PDE3A: variants seen among roughly 807,000 people sequenced by gnomAD.
PDE3A encodes the protein phosphodiesterase 3A.
A neutral mutation model predicts 98.3 loss-of-function variants in PDE3A; 43 were observed. That is an observed-to-expected ratio of 0.44 (90% confidence interval 0.34 to 0.56). The LOEUF (loss-of-function observed/expected upper bound fraction) is 0.56. Among genes scored for constraint, PDE3A ranks in the 20% least tolerant of loss-of-function variants. PDE3A has a pLI of 0.01. For synonymous variants in PDE3A, 663 were observed against 567.9 expected (o/e 1.17, Z -2.38); for missense variants, 1,427 against 1,440.7 (o/e 0.99, Z 0.15).
rs770268912 is a variant in PDE3A at position 20,369,853 on chromosome 12, C to A, written c.569C>A (p.Ala190Asp). The A allele has an allele frequency of 6.2e-7, 1 of 1,612,220 alleles. No individual in the cohort carries two copies. The change falls in exon 1 of 16, where the codon GCC becomes GAC. Residue 190 changes from alanine (A) to aspartate (D), a missense_variant. Around this residue, in one of 3 missense-constraint regions of PDE3A, gnomAD observed 1,012 missense variants for 886.5 expected, o/e 1.14. Transcript: ENST00000359062. ...GAGGATCACTTACTCTCACTCCCCGCCGCGGGGGTGGTGCTCAGCTGCTTG... is the reference window on the plus strand; with the variant it reads ...GAGGATCACTTACTCTCACTCCCCGACGCGGGGGTGGTGCTCAGCTGCTTG... ...VGEDHLLSLPAAGVVLSCLAA... is the reference protein window; with the variant it reads ...VGEDHLLSLPDAGVVLSCLAA...
At chr12:20,649,492 C>T (rs1243366838) in intron 13 of PDE3A, among the ~76,000 whole-genome samples, 2 of 152,032 alleles carry the variant, frequency 1.3e-5, no homozygotes, top group Non-Finnish European at 1.5e-5. Context: ...TTGTTTTCAT[C>T]TCTACGGTAT....
At chr12:20,578,584 C>T (rs1473752087) in intron 2 of PDE3A, among the ~76,000 whole-genome samples, 8 of 151,978 alleles carry the variant, frequency 5.3e-5, no homozygotes, top group Admixed American at 4.6e-4. Flanking sequence ...AAGAAAAGAA[C>T]CCACACACCA....
chr12:20,414,697 T>G (rs558927067), intron 1 of PDE3A, among the ~76,000 whole-genome samples: 1 of 152,318 alleles, frequency 6.6e-6, no homozygotes, highest in African/African-American at 2.4e-5. Context: ...ATCAAACGGG[T>G]TTCTGAGATG....
At chr12:20,622,003 C>G (rs1424120413) in intron 5 of PDE3A, among the ~76,000 whole-genome samples, 1 of 152,110 alleles carries the variant, frequency 6.6e-6, no homozygotes, top group African/African-American at 2.4e-5. Context: ...GAGATTTCCT[C>G]TGACCTTTCC....
intron 2 of PDE3A, among the ~76,000 whole-genome samples, chr12:20,590,432 C>T (rs756381209): frequency 3.4e-5 from 5 of 149,148 alleles, no homozygotes; most frequent in East Asian, 2.0e-4. Context: ...TTTCAAGGAA[C>T]GAGAGACCAA....
chr12:20,526,721 A>AT (rs11353817), intron 1 of PDE3A, among the ~76,000 whole-genome samples: 51,865 of 147,402 alleles, frequency 0.35, 9,172 homozygotes, highest in East Asian at 0.58. Context: ...TCTTAAACTG[A>AT]TTTTTTTTTT....
At chr12:20,665,615 T>G (rs1945288561) in intron 15 of PDE3A, among the ~76,000 whole-genome samples, 1 of 152,122 alleles carries the variant, frequency 6.6e-6, no homozygotes. Flanking sequence ...GGGTACTCAT[T>G]TATTCAGATT....
intron 1 of PDE3A, among the ~76,000 whole-genome samples, chr12:20,442,200 A>T (rs1431468315): frequency 6.6e-6 from 1 of 152,226 alleles, no homozygotes; most frequent in Non-Finnish European, 1.5e-5. Flanking sequence ...AATGGCTTTT[A>T]AAATTATGTA....
At chr12:20,576,434 T>C (rs1330469618) in intron 2 of PDE3A, among the ~76,000 whole-genome samples, 2 of 152,030 alleles carry the variant, frequency 1.3e-5, no homozygotes, top group African/African-American at 4.8e-5. Context: ...AATAGCAAAA[T>C]TGACTAAAAT....
At chr12:20,626,654 C>A (rs1944269917) in intron 5 of PDE3A, among the ~76,000 whole-genome samples, 1 of 152,058 alleles carries the variant, frequency 6.6e-6, no homozygotes, top group African/African-American at 2.4e-5. Flanking sequence ...TGCACCACCA[C>A]ATCAGGCTAA....
rs1439919804 is a variant in PDE3A at position 20,687,788 on chromosome 12, T to G, written c.*7517T>G. Among the ~76,000 whole-genome samples the G allele has an allele frequency of 6.6e-6, 1 of 151,818 alleles. No individual in the cohort carries two copies. The highest frequency in any genetic ancestry group is 1.9e-4 in the East Asian group (1 of 5,182). On this transcript the variant is annotated 3_prime_UTR_variant, in exon 16 of 16. Coordinates refer to ENST00000359062, the MANE Select transcript of PDE3A (RefSeq NM_000921.5). ...TATTAGGATATGTGACTGAAGGAAATTTAATCTGAATTTAGAGTGTTTTAG... is the reference window on the plus strand; with the variant it reads ...TATTAGGATATGTGACTGAAGGAAAGTTAATCTGAATTTAGAGTGTTTTAG...
At chr12:20,404,157 A>G (rs10841510) in intron 1 of PDE3A, among the ~76,000 whole-genome samples, 10,707 of 152,220 alleles carry the variant, frequency 0.07, 1,132 homozygotes, top group African/African-American at 0.23. Flanking sequence ...AAAATAGAGC[A>G]TAATCATATG....
At chr12:20,385,697 A>C (rs12425319) in intron 1 of PDE3A, among the ~76,000 whole-genome samples, 115,143 of 150,002 alleles carry the variant, frequency 0.77, 44,776 homozygotes, top group East Asian at 0.98. Context: ...GGACAAAAAA[A>C]CAAACACCAC....
chr12:20,679,081 C>G (rs966057327), intron 15 of PDE3A, among the ~76,000 whole-genome samples: 1 of 152,090 alleles, frequency 6.6e-6, no homozygotes, highest in African/African-American at 2.4e-5. Flanking sequence ...TCAGTGAAAT[C>G]TGATGGAGTC....
At position 20,552,621 on chromosome 12, in the gene PDE3A, G is replaced by A. The variant is rs1942244882; in HGVS notation, c.961-4039G>A. ...CGAGCAGGGCCGGGTCCCCGCGCCG[G>A]ACATCCAAGAAAACCAAGGTGGAGC... On this transcript the variant is annotated intron_variant, in intron 1 of 15. Coordinates refer to ENST00000359062, the MANE Select transcript of PDE3A (RefSeq NM_000921.5). This position sits in a 1 kb window ranked among gnomAD's most constrained non-coding sequence, Gnocchi z 5.1. The A allele has an allele frequency of 6.2e-7, 1 of 1,613,792 alleles. No individual in the cohort carries two copies. The highest frequency in any genetic ancestry group is 8.5e-7 in the Non-Finnish European group (1 of 1,179,804).
intron 6 of PDE3A, among the ~76,000 whole-genome samples, chr12:20,631,694 T>C (rs1334516618): frequency 1.0e-5 from 1 of 97,476 alleles, no homozygotes; most frequent in East Asian, 3.1e-4. Flanking sequence ...TTTTTCATCA[T>C]AGTGTATTTT....
intron 1 of PDE3A, among the ~76,000 whole-genome samples, chr12:20,538,526 A>T (rs1241024607): frequency 2.0e-5 from 3 of 152,134 alleles, no homozygotes; most frequent in African/African-American, 7.2e-5. Context: ...ATAGTTTCCT[A>T]GCTGGACCCA....
At chr12:20,561,603 G>A (rs1232717955) in intron 2 of PDE3A, among the ~76,000 whole-genome samples, 1 of 151,954 alleles carries the variant, frequency 6.6e-6, no homozygotes, top group South Asian at 2.1e-4. Context: ...TAGACAAAAC[G>A]TTGGCATCTA....
At chr12:20,607,534 C>T (rs906615091) in intron 2 of PDE3A, among the ~76,000 whole-genome samples, 1 of 151,934 alleles carries the variant, frequency 6.6e-6, no homozygotes, top group Non-Finnish European at 1.5e-5. Context: ...TAAAACCGCA[C>T]TTTCCTCCAC....
Sources: gnomAD v4.1 joint callset for allele counts (sites outside exome capture counted in the v4.1 genomes callset) on GRCh38, gnomAD v4.1.1 for gene constraint, gnomAD v4.1.1 regional missense constraint, Gnocchi (gnomAD v3.1) non-coding constraint, MANE v1.5 for transcripts, NCBI Gene and HGNC (gene_info 2026-07-23, HGNC 2026-07-21) for gene names.